ANKRD50: variants seen among roughly 807,000 people sequenced by gnomAD.
The protein encoded by ANKRD50 is ankyrin repeat domain 50.
A neutral mutation model predicts 112.0 loss-of-function variants in ANKRD50; 40 were observed. That is an observed-to-expected ratio of 0.36 (90% CI 0.28 to 0.46). The LOEUF (loss-of-function observed/expected upper bound fraction) is 0.46. Ranked by LOEUF, ANKRD50 falls within the 20% of genes least tolerant of loss-of-function variation. ANKRD50 has a pLI of 1.00. For missense variants in ANKRD50, 1,487 were observed against 1,701.7 expected, an observed-to-expected ratio of 0.87 and a Z score of 2.22; for synonymous variants, 613 against 619.1, an observed-to-expected ratio of 0.99 and a Z score of 0.15.
intron 3 of ANKRD50, among the ~76,000 whole-genome samples, chr4:124,677,575 A>C (rs1275993686): frequency 6.6e-6 from 1 of 151,932 alleles, no homozygotes; most frequent in Non-Finnish European, 1.5e-5. Flanking sequence ...GCATTGTCTT[A>C]AGTGCTTCAT....
chr4:124,667,503 CA>C lies in ANKRD50; in HGVS notation c.*14del. 1 of 151,934 alleles carries C rather than the reference CA, an allele frequency of 6.6e-6. No homozygotes were observed. 9.4% of individuals were successfully genotyped at this position (151,934 alleles called of 1,614,324 possible). A position where few individuals can be genotyped will look rare whatever the true frequency, so the allele number is the denominator to read the frequency against. On this transcript the variant is annotated 3_prime_UTR_variant, in exon 5 of 5. Transcript: ENST00000504087. ...CTCCATCACAATGTCTTCTGTTTCA[CA>C]GAATAGGAAACTAATGCAAAAGTTA...
intron 2 of ANKRD50, among the ~76,000 whole-genome samples, chr4:124,688,974 A>C (rs1197828568): frequency 6.6e-6 from 1 of 152,154 alleles, no homozygotes; most frequent in African/African-American, 2.4e-5. Flanking sequence ...AAATATCACT[A>C]ATTCAGAGAG....
chr4:124,707,473 A>T (rs1007039345), intron 2 of ANKRD50, among the ~76,000 whole-genome samples: 2 of 152,104 alleles, frequency 1.3e-5, no homozygotes, highest in Non-Finnish European at 2.9e-5. Context: ...TCAGGTTTGC[A>T]AGTGAATATA....
intron 3 of ANKRD50, among the ~76,000 whole-genome samples, chr4:124,675,913 C>A (rs1730764009): frequency 6.6e-6 from 1 of 151,692 alleles, no homozygotes; most frequent in Non-Finnish European, 1.5e-5. Flanking sequence ...TGCTACTGGT[C>A]AGTATAGTGA....
At chr4:124,682,101 G>A (rs907930337) in intron 2 of ANKRD50, among the ~76,000 whole-genome samples, 1 of 151,926 alleles carries the variant, frequency 6.6e-6, no homozygotes, top group Non-Finnish European at 1.5e-5. Flanking sequence ...TGGATCACGA[G>A]GTCAGGAGAT....
chr4:124,710,997 T>G lies in ANKRD50; in HGVS notation c.-486A>C. 2.5e-6 allele frequency: 1 copy of G among 392,348 alleles called. No individual in the cohort carries two copies. The highest frequency in any genetic ancestry group is 4.5e-6 in the Non-Finnish European group (1 of 220,708). The allele number at this position is 392,348 out of a possible 1,614,324, so 24.3% of individuals were successfully genotyped here. On this transcript the variant is annotated 5_prime_UTR_variant, in exon 2 of 5. Transcript: ENST00000504087. ...AATGGCATCAGAGAGATTACATTTA[T>G]ACGGTATGAGGTACAGTATGTAAGT...
At chr4:124,679,818 G>A (rs1468626473) in intron 2 of ANKRD50, among the ~76,000 whole-genome samples, 1 of 151,932 alleles carries the variant, frequency 6.6e-6, no homozygotes, top group African/African-American at 2.4e-5. Context: ...CATCATCACT[G>A]TAGGCCAACC....
chr4:124,697,561 C>T (rs147332798), intron 2 of ANKRD50, among the ~76,000 whole-genome samples: 1,574 of 152,116 alleles, frequency 0.01, 16 homozygotes, highest in Non-Finnish European at 0.013. Context: ...TTGCATGTGC[C>T]GGCTTCCCCT....
intron 3 of ANKRD50, among the ~76,000 whole-genome samples, chr4:124,673,568 G>A (rs1730708467): frequency 1.3e-5 from 2 of 152,062 alleles, no homozygotes; most frequent in South Asian, 2.1e-4. Context: ...ATGGACTTGG[G>A]AATTTTTAAT....
At position 124,710,053 on chromosome 4, in the gene ANKRD50, T is replaced by G; in HGVS notation, c.459A>C (p.Gln153His). 1 of 1,614,198 alleles carries G rather than the reference T, an allele frequency of 6.2e-7. No homozygotes were observed. Among genetic ancestry groups the G allele is most frequent in the Non-Finnish European group, 8.5e-7 (1 of 1,180,036 alleles). Residue 153 changes from glutamine (Q) to histidine (H), a missense_variant, in exon 2 of 5, where the codon CAA (glutamine) becomes CAC (histidine). Gln to His is a conservative substitution (Grantham distance 24). This residue lies in a region of ANKRD50 where 1,046 missense variants were observed against 1,269.5 expected (regional missense o/e 0.82). Coordinates refer to ENST00000504087, the MANE Select transcript of ANKRD50 (RefSeq NM_020337.3). ...YEDKLRDPAVQSLLQPGECER... is the reference protein window; with the variant it reads ...YEDKLRDPAVHSLLQPGECER... Reference sequence around the variant, plus strand: ...CGCACTCCCCAGGCTGTAAGAGGCTTTGGACTGCTGGATCCCTTAGCTTGT... The same window carrying G: ...CGCACTCCCCAGGCTGTAAGAGGCTGTGGACTGCTGGATCCCTTAGCTTGT...
At position 124,711,022 on chromosome 4, in the gene ANKRD50, T is replaced by C. The variant is rs189196941; in HGVS notation, c.-511A>G. ...TACGGTATGAGGTACAGTATGTAAGTAGCTCTGTATTTCTCGTTGAAGGAT... is the reference window on the plus strand; with the variant it reads ...TACGGTATGAGGTACAGTATGTAAGCAGCTCTGTATTTCTCGTTGAAGGAT... On this transcript the variant is annotated 5_prime_UTR_variant, in exon 2 of 5. Coordinates refer to ENST00000504087, the MANE Select transcript of ANKRD50 (RefSeq NM_020337.3). The C allele has an allele frequency of 8.5e-6, 3 of 351,384 alleles. No homozygotes were observed. The highest frequency in any genetic ancestry group is 8.4e-5 in the East Asian group (2 of 23,676). The allele number at this position is 351,384 out of a possible 1,614,324, so 21.8% of individuals were successfully genotyped here. A position where few individuals can be genotyped will look rare whatever the true frequency, so the allele number is the denominator to read the frequency against.
intron 3 of ANKRD50, among the ~76,000 whole-genome samples, chr4:124,678,312 A>G (rs1055747564): frequency 1.3e-5 from 2 of 152,068 alleles, no homozygotes; most frequent in Non-Finnish European, 2.9e-5. Context: ...AGAAAAAAAA[A>G]GAAACTCTGA....
chr4:124,688,286 G>C (rs1472281408), intron 2 of ANKRD50, among the ~76,000 whole-genome samples: 1 of 152,122 alleles, frequency 6.6e-6, no homozygotes, highest in East Asian at 1.9e-4. Context: ...ACATACTATT[G>C]CATTTACATG....
In ANKRD50 at chr4:124,665,626, T is replaced by C. The variant is rs994763537; in HGVS notation, c.*1892A>G. ...GTGTTCATATTTATTAATAGACTCA[T>C]TAACACTTTTAAGGCTACTTTGCAA... On this transcript the variant is annotated 3_prime_UTR_variant, in exon 5 of 5. Transcript: ENST00000504087. The C allele has an allele frequency of 6.6e-6, 1 of 152,396 alleles. No homozygotes were observed. Among genetic ancestry groups the C allele is most frequent in the Non-Finnish European group, 1.5e-5 (1 of 67,896 alleles). 9.4% of individuals were successfully genotyped at this position (152,396 alleles called of 1,614,324 possible).
Position 124,669,430 on chromosome 4 carries a change from C to A in ANKRD50, c.3847G>T (p.Gly1283Trp), listed in dbSNP as rs1337990974. Residue 1283 changes from glycine to tryptophan, a missense_variant, in exon 4 of 5, where the codon GGG becomes TGG. Gly to Trp is a radical substitution (Grantham distance 184). Transcript: ENST00000504087. ...GAATTACTTTGTTTCGCTTTTTTCC[C>A]AGCTGATCCAGACTTGGCAGAATTT... ...SENSAKSGSA[G>W]KKAKQSNSSQ... The A allele has an allele frequency of 6.2e-7, 1 of 1,612,628 alleles. No homozygotes were observed. Among genetic ancestry groups the A allele is most frequent in the Non-Finnish European group, 8.5e-7 (1 of 1,179,624 alleles).
chr4:124,699,069 C>G (rs542841430), intron 2 of ANKRD50, among the ~76,000 whole-genome samples: 1 of 152,046 alleles, frequency 6.6e-6, no homozygotes, highest in Non-Finnish European at 1.5e-5. Context: ...CGTGTGTATA[C>G]CTATATATCT....
At position 124,712,451 on chromosome 4, in the gene ANKRD50, C is replaced by G. The variant is rs1725659496; in HGVS notation, c.-764+7G>C. 6.3e-6 allele frequency: 1 copy of G among 158,908 alleles called. No individual in the cohort carries two copies. Among genetic ancestry groups the G allele is most frequent in the Admixed American group, 6.5e-5 (1 of 15,304 alleles). The allele number at this position is 158,908 out of a possible 1,614,324, so 9.8% of individuals were successfully genotyped here. On this transcript the variant is annotated splice_region_variant and intron_variant, in intron 1 of 4. Coordinates refer to ENST00000504087, the MANE Select transcript of ANKRD50 (RefSeq NM_020337.3). ...CGCTTCCACCGCCGCCGCCGCCCCC[C>G]GGTTACCTCGGCCCCAGCCGCCGCC... is the stretch of plus-strand genomic sequence containing the variant.
chr4:124,667,760 AT>A (rs1226382231), intron 4 of ANKRD50, among the ~76,000 whole-genome samples: 1 of 151,962 alleles, frequency 6.6e-6, no homozygotes, highest in Non-Finnish European at 1.5e-5. Flanking sequence ...AACAGATATC[AT>A]GAGAGTTGAA....
rs764895352 is a variant in ANKRD50 at position 124,690,917 on chromosome 4, T to C, written c.513-12012A>G. On this transcript the variant is annotated intron_variant, in intron 2 of 4. Coordinates refer to ENST00000504087, the MANE Select transcript of ANKRD50 (RefSeq NM_020337.3). ...TTTGTGAGTATTTTTCAGAGATACA[T>C]TGTCTGACTCACTTATACTTTCTAT... Among the ~76,000 whole-genome samples, 8 of 152,326 alleles carry C rather than the reference T, an allele frequency of 5.3e-5. No individual in the cohort carries two copies. In the Middle Eastern group the frequency reaches 0.01, roughly 194 times the overall value.
Sources: gnomAD v4.1 joint callset for allele counts (sites outside exome capture counted in the v4.1 genomes callset) on GRCh38, gnomAD v4.1.1 for gene constraint, gnomAD v4.1.1 regional missense constraint, MANE v1.5 for transcripts, NCBI Gene and HGNC (gene_info 2026-07-23, HGNC 2026-07-21) for gene names.